Variants in CREB3L2 observed in about 807,000 individuals in gnomAD.
CREB3L2 encodes cAMP responsive element binding protein 3 like 2, also known as cyclic AMP-responsive element-binding protein 3-like protein 2.
CREB3L2 carries 23 observed loss-of-function variants against 57.2 expected under a neutral mutation model. That is an observed-to-expected ratio of 0.40 (90% confidence interval 0.29 to 0.57). CREB3L2 has a LOEUF of 0.57. Ranked by LOEUF, CREB3L2 falls within the 20% of genes least tolerant of loss-of-function variation. The pLI is 0.42. For synonymous variants in CREB3L2, 268 were observed against 265.1 expected (o/e 1.01, Z -0.11); for missense variants, 628 against 634.7 (o/e 0.99, Z 0.11).
intron 4 of CREB3L2, among the ~76,000 whole-genome samples, chr7:137,909,517 C>T (rs932026154): frequency 2.0e-5 from 3 of 152,192 alleles, no homozygotes; most frequent in Admixed American, 6.5e-5. Flanking sequence ...TGCAGGTAAA[C>T]GCTTCACTCC....
chr7:137,907,751 G>A (rs1347075300), intron 5 of CREB3L2, among the ~76,000 whole-genome samples: 1 of 152,196 alleles, frequency 6.6e-6, no homozygotes, highest in Admixed American at 6.5e-5. Flanking sequence ...CTTGATGTCT[G>A]ATCTGAGTTT....
chr7:137,947,878 TC>T (rs1563262692), intron 1 of CREB3L2, among the ~76,000 whole-genome samples: 1 of 152,136 alleles, frequency 6.6e-6, no homozygotes, highest in Non-Finnish European at 1.5e-5. Flanking sequence ...TCCACTTCCT[TC>T]CCCTGCCCTG....
chr7:137,944,651 T>A (rs973336027), intron 1 of CREB3L2, among the ~76,000 whole-genome samples: 3 of 152,318 alleles, frequency 2.0e-5, no homozygotes, highest in African/African-American at 4.8e-5. Flanking sequence ...TAAATTAAGG[T>A]ATATCTAAGT....
chr7:137,991,136 G>A (rs994777552), intron 1 of CREB3L2, among the ~76,000 whole-genome samples: 11 of 151,798 alleles, frequency 7.2e-5, no homozygotes, highest in African/African-American at 2.4e-4. Context: ...TGCTGCTGTC[G>A]TCGTGGCTGT....
intron 2 of CREB3L2, among the ~76,000 whole-genome samples, chr7:137,926,794 G>T (rs1800472404): frequency 6.6e-6 from 1 of 152,132 alleles, no homozygotes; most frequent in Non-Finnish European, 1.5e-5. Flanking sequence ...AGGAAATAGA[G>T]TTTTTAAAAT....
chr7:137,882,422 G>A lies in CREB3L2; in HGVS notation c.1477C>T (p.Gln493Ter). 6.2e-7 allele frequency: 1 copy of A among 1,612,696 alleles called. No individual in the cohort carries two copies. The highest frequency in any genetic ancestry group is 8.5e-7 in the Non-Finnish European group (1 of 1,178,886). Residue 493 changes from glutamine to a stop codon, truncating the protein, a stop_gained, in exon 11 of 12, where the codon CAG (glutamine) becomes TAG (stop). Transcript: ENST00000330387. LOFTEE classifies it high-confidence loss of function. The stretch of plus-strand genomic sequence containing the variant: ...GTCTCTATGACTCACAGGTGCTGCT[G>A]CAGCTCCAAAAGCACTGACTTCTCC... ...SLEKSVLLELQQHLVSAKLEG... is the reference protein window; with the variant it reads ...SLEKSVLLEL
intron 1 of CREB3L2, among the ~76,000 whole-genome samples, chr7:137,958,535 C>T (rs1203555026): frequency 6.6e-6 from 1 of 152,188 alleles, no homozygotes; most frequent in African/African-American, 2.4e-5. Context: ...AAAAGAAATC[C>T]TTGGCTGCTT....
chr7:137,969,791 C>CACACATGCACAT (rs141056660), intron 1 of CREB3L2, among the ~76,000 whole-genome samples: 1 of 148,564 alleles, frequency 6.7e-6, no homozygotes, highest in Non-Finnish European at 1.5e-5. Flanking sequence ...CACACACACA[C>CACACATGCACAT]ACAACATACA....
chr7:137,971,964 A>G (rs1399027208), intron 1 of CREB3L2, among the ~76,000 whole-genome samples: 1 of 152,210 alleles, frequency 6.6e-6, no homozygotes, highest in Non-Finnish European at 1.5e-5. Context: ...AAGTATTAAA[A>G]TAGGAAAATG....
chr7:137,960,540 G>C (rs1363610015), intron 1 of CREB3L2, among the ~76,000 whole-genome samples: 1 of 152,052 alleles, frequency 6.6e-6, no homozygotes, highest in Non-Finnish European at 1.5e-5. Flanking sequence ...GAGAGAATCA[G>C]GAATATATAA....
chr7:137,972,782 A>G (rs1286961380), intron 1 of CREB3L2, among the ~76,000 whole-genome samples: 3 of 138,384 alleles, frequency 2.2e-5, no homozygotes, highest in Non-Finnish European at 4.7e-5. Flanking sequence ...AAAGAAAAAG[A>G]AAAACCTAGG....
At chr7:137,985,343 T>G (rs117623587) in intron 1 of CREB3L2, among the ~76,000 whole-genome samples, 1,752 of 152,276 alleles carry the variant, frequency 0.012, 22 homozygotes, top group Non-Finnish European at 0.016. Context: ...CAGCCAAGGC[T>G]AGACGCAGTT....
chr7:137,951,234 A>G (rs1030168008), intron 1 of CREB3L2, among the ~76,000 whole-genome samples: 7 of 152,184 alleles, frequency 4.6e-5, no homozygotes, highest in African/African-American at 1.4e-4. Flanking sequence ...CTGAAGTGCT[A>G]TCTAGTGTCC....
chr7:137,947,177 C>T (rs1801013280), intron 1 of CREB3L2, among the ~76,000 whole-genome samples: 1 of 151,036 alleles, frequency 6.6e-6, no homozygotes, highest in South Asian at 2.1e-4. Flanking sequence ...AGGAAGAGAG[C>T]CCTCACCAGA....
intron 1 of CREB3L2, among the ~76,000 whole-genome samples, chr7:137,947,438 G>A (rs1282692567): frequency 6.6e-6 from 1 of 152,168 alleles, no homozygotes; most frequent in Non-Finnish European, 1.5e-5. Flanking sequence ...AGAAACAGGA[G>A]AGCTGGAGAA....
Position 137,879,467 on chromosome 7 carries a change from G to A in CREB3L2, c.*1009C>T, listed in dbSNP as rs549806191. 12 of 375,366 alleles carry A rather than the reference G, an allele frequency of 3.2e-5. No homozygotes were observed. Among genetic ancestry groups the A allele is most frequent in the Admixed American group, 8.4e-5 (2 of 23,790 alleles). 23.3% of individuals were successfully genotyped at this position (375,366 alleles called of 1,614,324 possible). On this transcript the variant is annotated 3_prime_UTR_variant, in exon 12 of 12. Transcript: ENST00000330387. ...GAAAAAGCTTGTGGCCAGGGAGCCC[G>A]GGGCCTGAGTGAGGCATTGTGTCAT...
intron 8 of CREB3L2, 123 bp downstream of exon 8, chr7:137,901,231 G>T: frequency 1.5e-6 from 1 of 678,474 alleles, no homozygotes; most frequent in Non-Finnish European, 2.6e-6. Flanking sequence ...GAGCATCTCA[G>T]CACAACTGCA....
chr7:137,915,172 T>C (rs897740663), intron 3 of CREB3L2, among the ~76,000 whole-genome samples: 1 of 152,052 alleles, frequency 6.6e-6, no homozygotes, highest in African/African-American at 2.4e-5. Context: ...ACAATGCTGG[T>C]CCATGGCCAG....
At chr7:137,910,619 T>C (rs1585615914) in intron 4 of CREB3L2, among the ~76,000 whole-genome samples, 1 of 152,252 alleles carries the variant, frequency 6.6e-6, no homozygotes, top group East Asian at 1.9e-4. Flanking sequence ...AGGGGCTTTG[T>C]GCTGTTACAT....
Sources: allele counts gnomAD v4.1 joint callset (sites outside exome capture counted in the v4.1 genomes callset), GRCh38; gene constraint gnomAD v4.1.1; transcripts MANE v1.5; gene names NCBI Gene and HGNC (gene_info 2026-07-23, HGNC 2026-07-21).